The following TLN2 variants were observed in gnomAD, a reference collection of about 807,000 sequenced individuals.
TLN2 encodes talin 2.
In TLN2, 118 loss-of-function variants were observed where a neutral mutation model predicts 294.7. The observed-to-expected ratio is 0.40, with a 90% CI of 0.34 to 0.47. The LOEUF (loss-of-function observed/expected upper bound fraction) is 0.47. TLN2 is among the 20% of genes least tolerant of loss of function. TLN2 has a pLI of 0.84. For missense variants in TLN2, 3,083 were observed against 3,282.2 expected, an observed-to-expected ratio of 0.94 and a Z score of 1.48; for synonymous variants, 1,431 against 1,304.5, an observed-to-expected ratio of 1.10 and a Z score of -2.09.
At chr15:62,703,466 T>G (rs2058844893) in intron 19 of TLN2, among the ~76,000 whole-genome samples, 1 of 152,056 alleles carries the variant, frequency 6.6e-6, no homozygotes, top group African/African-American at 2.4e-5. Context: ...ATATTAATAG[T>G]GTCATGAACT....
At chr15:62,752,483 T>A in intron 35 of TLN2, 56 bp downstream of exon 35, 2 of 1,588,066 alleles carry the variant, frequency 1.3e-6, no homozygotes, top group Non-Finnish European at 8.6e-7. Flanking sequence ...CTGTGGGAGG[T>A]GTGGGGGAAC....
chr15:62,480,171 G>T (rs2037999620), intron 1 of TLN2, among the ~76,000 whole-genome samples: 1 of 152,152 alleles, frequency 6.6e-6, no homozygotes, highest in Non-Finnish European at 1.5e-5. Flanking sequence ...CTTAAGAAGT[G>T]TCTGCTCCTT....
intron 1 of TLN2, among the ~76,000 whole-genome samples, chr15:62,552,617 C>A (rs991305663): frequency 2.0e-5 from 3 of 152,150 alleles, no homozygotes; most frequent in Non-Finnish European, 4.4e-5. Context: ...GAAGAGCTGT[C>A]TGGTGTTCCT....
intron 32 of TLN2, among the ~76,000 whole-genome samples, chr15:62,747,657 G>A (rs2061688782): frequency 6.6e-6 from 1 of 152,094 alleles, no homozygotes; most frequent in African/African-American, 2.4e-5. Context: ...GAACTACAGT[G>A]GACCCTTGAC....
At chr15:62,812,160 CT>C (rs1398270465) in intron 52 of TLN2, among the ~76,000 whole-genome samples, 5 of 152,168 alleles carry the variant, frequency 3.3e-5, no homozygotes, top group Non-Finnish European at 4.4e-5. Flanking sequence ...AGCTCTCCCC[CT>C]ATGCTCCATT....
At chr15:62,791,950 T>C (rs946201779) in intron 45 of TLN2, among the ~76,000 whole-genome samples, 1 of 152,198 alleles carries the variant, frequency 6.6e-6, no homozygotes, top group Non-Finnish European at 1.5e-5. Flanking sequence ...GCAAAGTACC[T>C]TTTATAATCA....
intron 1 of TLN2, among the ~76,000 whole-genome samples, chr15:62,456,418 C>T (rs1298332936): frequency 6.6e-6 from 1 of 152,180 alleles, no homozygotes; most frequent in East Asian, 1.9e-4. Flanking sequence ...GTTTAAAATG[C>T]AGGGCTGGAC....
chr15:62,530,271 GAAATTCCT>G (rs2040972754), intron 1 of TLN2, among the ~76,000 whole-genome samples: 1 of 152,206 alleles, frequency 6.6e-6, no homozygotes, highest in African/African-American at 2.4e-5. Context: ...ATATTTAGGA[GAAATTCCT>G]AAAAGTAGAA....
chr15:62,676,814 C>T (rs528937004), intron 11 of TLN2, among the ~76,000 whole-genome samples: 85 of 152,288 alleles, frequency 5.6e-4, no homozygotes, highest in Admixed American at 4.3e-3. Flanking sequence ...AGGGTTTCAC[C>T]GTGTTGCCCA....
chr15:62,549,710 C>G (rs973040503), intron 1 of TLN2, among the ~76,000 whole-genome samples: 3 of 152,062 alleles, frequency 2.0e-5, no homozygotes, highest in African/African-American at 7.2e-5. Context: ...TTCTCTCAAC[C>G]GGAGGTGTCA....
chr15:62,433,802 A>G (rs1334480776), intron 1 of TLN2, among the ~76,000 whole-genome samples: 2 of 152,052 alleles, frequency 1.3e-5, no homozygotes, highest in Non-Finnish European at 2.9e-5. Context: ...CAGCCTGGCC[A>G]ACGTGGTGAA....
chr15:62,486,228 C>G (rs2038384314), intron 1 of TLN2, among the ~76,000 whole-genome samples: 1 of 152,146 alleles, frequency 6.6e-6, no homozygotes, highest in African/African-American at 2.4e-5. Flanking sequence ...GCTAGCCTGT[C>G]CTTGCTGGCA....
Position 62,838,905 on chromosome 15 carries a change from C to T in TLN2, c.7424C>T (p.Ala2475Val). 1.9e-6 allele frequency: 3 copies of T among 1,611,928 alleles called. No homozygotes were observed. In the South Asian group the frequency reaches 3.3e-5, roughly 18 times the overall value. The change falls in exon 58 of 59, where the codon GCC (alanine) becomes GTC (valine). Residue 2475 changes from alanine (A) to valine (V), a missense_variant. Transcript: ENST00000636159. ...KRASDNLVRA[A>V]QKAAFGKADD... ...GCCTCAGACAATCTTGTCCGTGCAG[C>T]CCAGAAGGCAGCTTTTGGCAAAGCT...
chr15:62,563,357 G>A (rs2043138491), intron 1 of TLN2, among the ~76,000 whole-genome samples: 1 of 152,130 alleles, frequency 6.6e-6, no homozygotes, highest in South Asian at 2.1e-4. Flanking sequence ...GTGACGTTGA[G>A]CATTTTGTTC....
rs2061200027 is a variant in TLN2 at position 62,739,455 on chromosome 15, G to T, written c.3795G>T (p.Gln1265His). The T allele has an allele frequency of 6.2e-7, 1 of 1,614,242 alleles. No homozygotes were observed. Residue 1265 changes from glutamine to histidine, a missense_variant, in exon 31 of 59, where the codon CAG (glutamine) becomes CAT (histidine). Coordinates refer to ENST00000636159, the MANE Select transcript of TLN2 (RefSeq NM_015059.3). Reference sequence around the variant, plus strand: ...AAGTGGTCCATGCCACCCGGGGCCAGAGTGGAGAGTTGGCTGCAGCCTCTG... The same window carrying T: ...AAGTGGTCCATGCCACCCGGGGCCATAGTGGAGAGTTGGCTGCAGCCTCTG... ...AGEVVHATRG[Q>H]SGELAAASGK...
intron 1 of TLN2, among the ~76,000 whole-genome samples, chr15:62,450,934 G>A (rs2036100683): frequency 6.7e-6 from 1 of 149,628 alleles, no homozygotes; most frequent in Non-Finnish European, 1.5e-5. Context: ...TTAATGTATG[G>A]TCTGAGGATC....
At chr15:62,431,809 T>A (rs964606069) in intron 1 of TLN2, among the ~76,000 whole-genome samples, 2 of 152,214 alleles carry the variant, frequency 1.3e-5, no homozygotes, top group East Asian at 3.8e-4. Flanking sequence ...CAGAAACCCA[T>A]GTATATTTAA....
intron 1 of TLN2, among the ~76,000 whole-genome samples, chr15:62,573,164 C>A (rs561759619): frequency 6.6e-6 from 1 of 152,310 alleles, no homozygotes; most frequent in African/African-American, 2.4e-5. Context: ...ATGCTACCCC[C>A]TTGACATGCT....
chr15:62,805,715 G>C lies in TLN2; in HGVS notation c.6593G>C (p.Arg2198Thr). 1 of 1,614,192 alleles carries C rather than the reference G, an allele frequency of 6.2e-7. No individual in the cohort carries two copies. Among genetic ancestry groups the C allele is most frequent in the Non-Finnish European group, 8.5e-7 (1 of 1,180,034 alleles). ...GCCGTGGCAGCTGGGAACTCATGTA[G>C]ACAGGAGGACGTGATTGCTACTGCC... Reference protein sequence around the residue: ...AKAVAAGNSCRQEDVIATANL... With the variant: ...AKAVAAGNSCTQEDVIATANL... Residue 2198 changes from arginine (R) to threonine (T), a missense_variant, in exon 51 of 59, where the codon AGA becomes ACA. Coordinates refer to ENST00000636159, the MANE Select transcript of TLN2 (RefSeq NM_015059.3).
Sources: allele counts gnomAD v4.1 joint callset (sites outside exome capture counted in the v4.1 genomes callset), GRCh38; gene constraint gnomAD v4.1.1; transcripts MANE v1.5; gene names NCBI Gene and HGNC (gene_info 2026-07-23, HGNC 2026-07-21).